SPATA7: variants seen among roughly 807,000 people sequenced by gnomAD.
SPATA7 encodes the protein spermatogenesis associated 7, also known as spermatogenesis-associated protein 7.
A neutral mutation model predicts 51.8 loss-of-function variants in SPATA7; 43 were observed. That is an observed-to-expected ratio of 0.83 (90% CI 0.65 to 1.07). SPATA7 has a LOEUF of 1.07. Among genes scored for constraint, SPATA7 ranks in the 50% least tolerant of loss-of-function variants. The probability of loss-of-function intolerance (pLI) is 0.00; values close to 1 mark genes in which losing one functional copy is unlikely to be tolerated. For missense variants in SPATA7, 683 were observed against 701.3 expected (o/e 0.97, Z 0.30); for synonymous variants, 230 against 252.8 (o/e 0.91, Z 0.86).
intron 4 of SPATA7, among the ~76,000 whole-genome samples, chr14:88,409,247 G>C (rs530080383): frequency 1.3e-5 from 2 of 152,150 alleles, no homozygotes; most frequent in Non-Finnish European, 1.5e-5. Flanking sequence ...GGGTTGGTAG[G>C]CTATTAATTA....
At chr14:88,417,317 T>C (rs1283643417) in intron 5 of SPATA7, among the ~76,000 whole-genome samples, 1 of 102,956 alleles carries the variant, frequency 9.7e-6, no homozygotes, top group African/African-American at 4.5e-5. Context: ...TTTTTTTTTT[T>C]ATATATATAT....
chr14:88,423,355 T>C lies in SPATA7; in HGVS notation c.373-2877T>C, dbSNP rs201950742. On this transcript the variant is annotated intron_variant, in intron 5 of 11. Transcript: ENST00000393545. The stretch of plus-strand genomic sequence containing the variant: ...GAGTTTGAGACCAGCCTGGACAACA[T>C]GGCAAAACCCCATCTCTACAAAAAA... 4.2e-5 allele frequency among the ~76,000 whole-genome samples: 5 copies of C among 119,206 alleles called. No individual in the cohort carries two copies. The East Asian group carries it at 1.2e-3, about 28-fold the overall frequency. 78.2% of individuals were successfully genotyped at this position (119,206 alleles called of 152,430 possible). A position where few individuals can be genotyped will look rare whatever the true frequency, so the allele number is the denominator to read the frequency against.
At chr14:88,453,506 A>G (rs918950843) in intron 3 of SPATA7, among the ~76,000 whole-genome samples, 5 of 152,120 alleles carry the variant, frequency 3.3e-5, no homozygotes. Context: ...AATTAGCTGT[A>G]TGGTCACCAG....
intron 8 of SPATA7, among the ~76,000 whole-genome samples, chr14:88,430,053 G>A (rs2076899549): frequency 2.0e-5 from 3 of 152,030 alleles, no homozygotes; most frequent in Admixed American, 2.0e-4. Flanking sequence ...TTAATTAGCA[G>A]GTAGTAGAAA....
At position 88,429,282 on chromosome 14, in the gene SPATA7, T is replaced by C. The variant is rs28495219; in HGVS notation, c.913-66T>C. The C allele has an allele frequency of 2.1e-3, 1,779 of 843,378 alleles. 19 individuals are homozygous for C. The African/African-American group carries it at 0.026, about 12-fold the overall frequency. The allele number at this position is 843,378 out of a possible 1,614,324, so 52.2% of individuals were successfully genotyped here. The stretch of plus-strand genomic sequence containing the variant: ...CTGTTCAATCACTTAAAATTTGCTG[T>C]GTTATATTCTGCTTTCGTAATGTAT... On this transcript the variant is annotated intron_variant, in intron 7 of 11. Coordinates refer to ENST00000393545, the MANE Select transcript of SPATA7 (RefSeq NM_018418.5).
At chr14:88,466,819 G>A (rs962203961) in intron 4 of SPATA7, 1 of 152,202 alleles carries the variant, frequency 6.6e-6, no homozygotes, top group Non-Finnish European at 1.5e-5. Flanking sequence ...AGCAATCTCT[G>A]TGCACAAATT....
intron 3 of SPATA7, among the ~76,000 whole-genome samples, chr14:88,448,983 A>C (rs2077232876): frequency 6.6e-6 from 1 of 152,110 alleles, no homozygotes; most frequent in Non-Finnish European, 1.5e-5. Context: ...CTAATGGTCT[A>C]TCAATTTCAT....
chr14:88,461,087 C>T (rs1394697653), intron 4 of SPATA7, among the ~76,000 whole-genome samples: 2 of 152,180 alleles, frequency 1.3e-5, no homozygotes, highest in African/African-American at 4.8e-5. Flanking sequence ...CTCAGAGGGG[C>T]ACCTGGCCAT....
chr14:88,428,057 C>CT (rs572137417), intron 7 of SPATA7: 533 of 149,398 alleles, frequency 3.6e-3, no homozygotes, highest in South Asian at 6.0e-3. Context: ...GTTTTTATAC[C>CT]TTTTTTTTTT....
Position 88,426,593 on chromosome 14 carries a change from T to G in SPATA7, c.734T>G (p.Leu245Ter). ...NKQLPFTPRT[L>*]KTEAKSFLSQ... ...CAATTGCCATTCACTCCTCGCACTTTAAAAACAGAAGCAAAATCTTTCCTG... is the reference window on the plus strand; with the variant it reads ...CAATTGCCATTCACTCCTCGCACTTGAAAAACAGAAGCAAAATCTTTCCTG... The change falls in exon 6 of 12, where the codon TTA becomes TGA. Residue 245 changes from leucine to a stop codon, truncating the protein, a stop_gained. Transcript: ENST00000393545. LOFTEE classifies it high-confidence loss of function. 6.2e-7 allele frequency: 1 copy of G among 1,614,140 alleles called. No individual in the cohort carries two copies. The highest frequency in any genetic ancestry group is 8.5e-7 in the Non-Finnish European group (1 of 1,180,024).
At position 88,391,418 on chromosome 14, in the gene SPATA7, G is replaced by T. The variant is rs367830780; in HGVS notation, c.57G>T (p.Pro19=). 132 of 1,613,478 alleles carry T rather than the reference G, an allele frequency of 8.2e-5. No homozygotes were observed. The highest frequency in any genetic ancestry group is 1.0e-4 in the Non-Finnish European group (118 of 1,179,756). Reference sequence around the variant, plus strand: ...CTGTCCTTCCCAGATATGGTCCACCGTGCCTATTTAAAGGACACTTGAGCA... The same window carrying T: ...CTGTCCTTCCCAGATATGGTCCACCTTGCCTATTTAAAGGACACTTGAGCA... ...ATSVLPRYGP[P]CLFKGHLSTK... is the part of the protein sequence containing the mutation. Residue 19 remains proline (P), a synonymous_variant, in exon 2 of 12, where the codon CCG becomes CCT. Coordinates refer to ENST00000393545, the MANE Select transcript of SPATA7 (RefSeq NM_018418.5).
chr14:88,462,204 C>T (rs774793524), intron 4 of SPATA7, among the ~76,000 whole-genome samples: 50 of 152,108 alleles, frequency 3.3e-4, no homozygotes, highest in Admixed American at 2.2e-3. Context: ...AAATTTGGAC[C>T]GTCTCAGCAT....
intron 1 of SPATA7, among the ~76,000 whole-genome samples, chr14:88,388,047 C>G (rs2075630652): frequency 6.6e-6 from 1 of 151,882 alleles, no homozygotes; most frequent in Admixed American, 6.6e-5. Context: ...CCAAAAAATA[C>G]AAAAATTAGC....
intron 4 of SPATA7, among the ~76,000 whole-genome samples, chr14:88,398,250 C>G (rs886314082): frequency 6.6e-6 from 1 of 151,508 alleles, no homozygotes; most frequent in Non-Finnish European, 1.5e-5. Context: ...CAATGATAGA[C>G]TGGATTAAGA....
downstream of SPATA7, chr14:88,438,498 A>G: frequency 1.7e-6 from 2 of 1,155,998 alleles, no homozygotes; most frequent in South Asian, 1.3e-5. Context: ...TATGTATAAG[A>G]TTTCTCTATT....
chr14:88,429,429 A>G lies in SPATA7; in HGVS notation c.994A>G (p.Ile332Val). 12 of 1,612,484 alleles carry G rather than the reference A, an allele frequency of 7.4e-6. No individual in the cohort carries two copies. Among genetic ancestry groups the G allele is most frequent in the Non-Finnish European group, 9.3e-6 (11 of 1,178,762 alleles). The change falls in exon 8 of 12, where the codon ATT (isoleucine) becomes GTT (valine). Residue 332 changes from isoleucine to valine, a missense_variant. Coordinates refer to ENST00000393545, the MANE Select transcript of SPATA7 (RefSeq NM_018418.5). ...LEGHDSTWDE[I>V]KDDALQHSSP... ...AGGGCATGACTCAACATGGGATGAG[A>G]TTAAGGATGATGCTCTTCAGCATTC...
At chr14:88,388,655 GC>G (rs1422781404) in intron 1 of SPATA7, among the ~76,000 whole-genome samples, 16 of 152,284 alleles carry the variant, frequency 1.1e-4, no homozygotes, top group Non-Finnish European at 2.1e-4. Context: ...ATTTTAGGAG[GC>G]TGAGGCAGGA....
intron 4 of SPATA7, among the ~76,000 whole-genome samples, chr14:88,396,875 CTTTT>C (rs59603961): frequency 2.9e-5 from 4 of 138,538 alleles, no homozygotes; most frequent in Admixed American, 7.3e-5. Flanking sequence ...TTTCTTTTTT[CTTTT>C]TTTTTTTTTG....
At chr14:88,448,207 C>T (rs1394760150) in intron 3 of SPATA7, among the ~76,000 whole-genome samples, 1 of 151,784 alleles carries the variant, frequency 6.6e-6, no homozygotes, top group Non-Finnish European at 1.5e-5. Context: ...TTTCTCTAAA[C>T]TTCCCTTCCC....
Sources: gnomAD v4.1 joint callset for allele counts (sites outside exome capture counted in the v4.1 genomes callset) on GRCh38, gnomAD v4.1.1 for gene constraint, MANE v1.5 for transcripts, NCBI Gene and HGNC (gene_info 2026-07-23, HGNC 2026-07-21) for gene names.